Variants in ANO2 observed in about 807,000 individuals in gnomAD.
The protein encoded by ANO2 is anoctamin-2.
Under a neutral mutation model 124.2 loss-of-function variants are expected in ANO2, and 101 were observed. The observed-to-expected ratio is 0.81, with a 90% CI of 0.69 to 0.96. The LOEUF (loss-of-function observed/expected upper bound fraction) is 0.96, where lower values mean the gene tolerates loss of function less well. Ranked by LOEUF, ANO2 falls within the 40% of genes least tolerant of loss-of-function variation. The pLI is 0.00. For missense variants in ANO2, 1,293 were observed against 1,274.5 expected, an observed-to-expected ratio of 1.01 and a Z score of -0.22; for synonymous variants, 486 against 482.5, an observed-to-expected ratio of 1.01 and a Z score of -0.09.
At chr12:5,585,505 T>G (rs1054691395) in intron 20 of ANO2, among the ~76,000 whole-genome samples, 2 of 152,226 alleles carry the variant, frequency 1.3e-5, no homozygotes, top group Admixed American at 6.5e-5. Context: ...CAGTCCCTGC[T>G]CTTTCTCCCG....
intron 16 of ANO2, among the ~76,000 whole-genome samples, chr12:5,634,218 G>A (rs1945882284): frequency 1.3e-5 from 2 of 152,176 alleles, no homozygotes; most frequent in African/African-American, 2.4e-5. Context: ...CTCACCGTGG[G>A]TAGTGTTACA....
At chr12:5,876,755 A>T (rs1435917812) in intron 3 of ANO2, among the ~76,000 whole-genome samples, 1 of 152,160 alleles carries the variant, frequency 6.6e-6, no homozygotes, top group Non-Finnish European at 1.5e-5. Context: ...GCATGTTCTC[A>T]CTCATAAGTG....
chr12:5,734,497 C>A (rs1394338967), intron 13 of ANO2, among the ~76,000 whole-genome samples: 1 of 152,226 alleles, frequency 6.6e-6, no homozygotes, highest in Non-Finnish European at 1.5e-5. Flanking sequence ...GCACCCTCAG[C>A]TGACCGACAG....
intron 4 of ANO2, among the ~76,000 whole-genome samples, chr12:5,849,379 A>G (rs1350037926): frequency 6.6e-6 from 1 of 152,208 alleles, no homozygotes; most frequent in East Asian, 1.9e-4. Context: ...TCATATATAC[A>G]AAAAAAGCAA....
In ANO2 at chr12:5,733,442, G is replaced by C. The variant is rs147925699; in HGVS notation, c.1435-812C>G. On this transcript the variant is annotated intron_variant, in intron 13 of 24. Coordinates refer to ENST00000682330, the MANE Select transcript of ANO2 (RefSeq NM_001364791.2). Reference sequence around the variant, plus strand: ...GGCCTCATTGGCAGGTCTTCCTTACGGTTTCCAGCTCAAGAACAAACATCT... The same window carrying C: ...GGCCTCATTGGCAGGTCTTCCTTACCGTTTCCAGCTCAAGAACAAACATCT... 8.5e-5 allele frequency among the ~76,000 whole-genome samples: 13 copies of C among 152,276 alleles called. 1 individual carries two copies. The East Asian group carries it at 2.3e-3, about 27-fold the overall frequency.
intron 10 of ANO2, among the ~76,000 whole-genome samples, chr12:5,763,691 A>C (rs1951800257): frequency 6.6e-6 from 1 of 152,160 alleles, no homozygotes; most frequent in Non-Finnish European, 1.5e-5. Flanking sequence ...TTTGTAGGAT[A>C]CTGTTAAAGC....
At chr12:5,905,133 G>A (rs970897534) in intron 3 of ANO2, among the ~76,000 whole-genome samples, 1 of 152,132 alleles carries the variant, frequency 6.6e-6, no homozygotes, top group Non-Finnish European at 1.5e-5. Flanking sequence ...GGCAGCAAGG[G>A]TTCCCAGGGG....
chr12:5,579,762 C>A (rs1476575352), intron 20 of ANO2, among the ~76,000 whole-genome samples: 1 of 152,194 alleles, frequency 6.6e-6, no homozygotes, highest in African/African-American at 2.4e-5. Flanking sequence ...CTCCTAGCAT[C>A]TCCCCAGCAA....
chr12:5,777,917 C>T (rs1233669594), intron 10 of ANO2, among the ~76,000 whole-genome samples: 2 of 152,180 alleles, frequency 1.3e-5, no homozygotes, highest in Non-Finnish European at 2.9e-5. Flanking sequence ...GGTAAGGTGA[C>T]TCATGTGAGG....
chr12:5,659,984 AGTC>A (rs1222895225), intron 14 of ANO2, among the ~76,000 whole-genome samples: 1 of 152,182 alleles, frequency 6.6e-6, no homozygotes, highest in Non-Finnish European at 1.5e-5. Flanking sequence ...GGGGCAAGCA[AGTC>A]GTCATCCCTC....
At chr12:5,697,932 T>C (rs1490530729) in intron 14 of ANO2, among the ~76,000 whole-genome samples, 2 of 152,194 alleles carry the variant, frequency 1.3e-5, no homozygotes, top group Non-Finnish European at 1.5e-5. Context: ...TTGCTGAGGC[T>C]TGAGTAGGTA....
chr12:5,926,785 G>A (rs1342306446), intron 1 of ANO2, among the ~76,000 whole-genome samples: 2 of 152,128 alleles, frequency 1.3e-5, no homozygotes, highest in Non-Finnish European at 2.9e-5. Context: ...GGATTGGGAG[G>A]AGGTGCAGGC....
chr12:5,852,931 GGAAA>G (rs1257177907), intron 4 of ANO2, among the ~76,000 whole-genome samples: 2 of 148,676 alleles, frequency 1.3e-5, no homozygotes, highest in African/African-American at 4.9e-5. Context: ...GGGGGTGGAG[GGAAA>G]GAAAGAGAGA....
At chr12:5,889,480 G>C (rs1248611316) in intron 3 of ANO2, among the ~76,000 whole-genome samples, 6 of 152,264 alleles carry the variant, frequency 3.9e-5, no homozygotes, top group African/African-American at 1.4e-4. Flanking sequence ...ATTACAAAAA[G>C]ACACTTGGTA....
intron 7 of ANO2, among the ~76,000 whole-genome samples, chr12:5,808,401 G>C (rs1028291749): frequency 6.6e-6 from 1 of 152,164 alleles, no homozygotes; most frequent in Non-Finnish European, 1.5e-5. Flanking sequence ...AAAGTGGTCT[G>C]TGTGTTCTGT....
rs12315602 is a variant in ANO2 at position 5,842,946 on chromosome 12, T to C, written c.634-10343A>G. On this transcript the variant is annotated intron_variant, in intron 4 of 24. Transcript: ENST00000682330. ...TGAATAAAAAGCATTCTGCACTCTT[T>C]CCAGTCTATTTAAACAGCAATCAAA... Among the ~76,000 whole-genome samples, 1,280 of 152,222 alleles carry C rather than the reference T, an allele frequency of 8.4e-3. 22 individuals are homozygous for C. The highest frequency in any genetic ancestry group is 0.028 in the African/African-American group (1,153 of 41,528).
chr12:5,722,788 G>A (rs78572503), intron 14 of ANO2, among the ~76,000 whole-genome samples: 2,103 of 152,266 alleles, frequency 0.014, 52 homozygotes, highest in African/African-American at 0.047. Flanking sequence ...GAATTTATAC[G>A]TGAATAAAAA....
chr12:5,614,045 G>C (rs1359621001), intron 17 of ANO2, among the ~76,000 whole-genome samples: 1 of 152,180 alleles, frequency 6.6e-6, no homozygotes, highest in Admixed American at 6.5e-5. Flanking sequence ...ATGACAGCTC[G>C]TGCTATTAGT....
chr12:5,735,685 A>G (rs906728943), intron 13 of ANO2, among the ~76,000 whole-genome samples: 3 of 152,206 alleles, frequency 2.0e-5, no homozygotes, highest in Non-Finnish European at 4.4e-5. Flanking sequence ...AAAGCCGAGA[A>G]GACAGGCCTT....
Sources: gnomAD v4.1 joint callset for allele counts (sites outside exome capture counted in the v4.1 genomes callset) on GRCh38, gnomAD v4.1.1 for gene constraint, MANE v1.5 for transcripts, NCBI Gene and HGNC (gene_info 2026-07-23, HGNC 2026-07-21) for gene names.